Variants in ANKRD10 observed in about 807,000 individuals in gnomAD.
ANKRD10 encodes the protein ankyrin repeat domain 10.
ANKRD10 carries 14 observed loss-of-function variants against 27.0 expected under a neutral mutation model. The ratio of observed to expected loss-of-function variants is 0.52; its 90% CI spans 0.34 to 0.81. ANKRD10 has a LOEUF of 0.81. Among genes scored for constraint, ANKRD10 ranks in the 40% least tolerant of loss-of-function variants. ANKRD10 has a pLI of 0.01. For missense variants in ANKRD10, 493 were observed against 544.0 expected, an observed-to-expected ratio of 0.91 and a Z score of 0.93; for synonymous variants, 250 against 224.5, an observed-to-expected ratio of 1.11 and a Z score of -1.01.
intron 4 of ANKRD10, among the ~76,000 whole-genome samples, chr13:110,886,155 A>T (rs1374455569): frequency 6.6e-6 from 1 of 152,266 alleles, no homozygotes; most frequent in Non-Finnish European, 1.5e-5. Context: ...CAGAGGTGCC[A>T]CTAGGGGCCG....
intron 3 of ANKRD10, among the ~76,000 whole-genome samples, chr13:110,899,653 ACT>A (rs1296372349): frequency 3.9e-5 from 6 of 152,192 alleles, no homozygotes; most frequent in African/African-American, 1.4e-4. Context: ...AACTACGATG[ACT>A]GTGCTTTTAT....
intron 3 of ANKRD10, chr13:110,894,089 AGT>A: frequency 6.6e-7 from 1 of 1,524,750 alleles, no homozygotes; most frequent in East Asian, 2.3e-5. Flanking sequence ...AATAAAATAG[AGT>A]AAGTTGAACT....
At chr13:110,914,064 T>C (rs933226914) in intron 1 of ANKRD10, among the ~76,000 whole-genome samples, 1 of 152,204 alleles carries the variant, frequency 6.6e-6, no homozygotes, top group Non-Finnish European at 1.5e-5. Flanking sequence ...TCACTAATTT[T>C]GCTGAAGCGG....
At chr13:110,888,956 G>A (rs1433338080) in intron 4 of ANKRD10, among the ~76,000 whole-genome samples, 1 of 152,176 alleles carries the variant, frequency 6.6e-6, no homozygotes, top group East Asian at 1.9e-4. Flanking sequence ...TTGTGAAATT[G>A]AAGTTATTGG....
At chr13:110,908,457 G>A (rs1033770456) in intron 2 of ANKRD10, among the ~76,000 whole-genome samples, 4 of 152,196 alleles carry the variant, frequency 2.6e-5, no homozygotes, top group Admixed American at 6.5e-5. Flanking sequence ...AAAAAAGTCT[G>A]TGGTATTAAC....
At chr13:110,896,720 G>A (rs1328675813) in intron 3 of ANKRD10, among the ~76,000 whole-genome samples, 1 of 152,210 alleles carries the variant, frequency 6.6e-6, no homozygotes. Flanking sequence ...GCAGCCTCAA[G>A]GCAATTGAGC....
rs150613908 is a variant in ANKRD10, at chr13:110,902,133, T to G, written c.455+3900A>C. Among the ~76,000 whole-genome samples the G allele has an allele frequency of 6.0e-5, 9 of 150,352 alleles. No homozygotes were observed. In the East Asian group the frequency reaches 1.7e-3, roughly 29 times the overall value. On this transcript the variant is annotated intron_variant, in intron 3 of 5. Coordinates refer to ENST00000267339, the MANE Select transcript of ANKRD10 (RefSeq NM_017664.4). ...TCAGAGGACCTAAAATCAGAAAATA[T>G]GAATTCAGAGTCATAATTCTGGTAG...
At chr13:110,913,610 G>C (rs1157530769) in intron 1 of ANKRD10, among the ~76,000 whole-genome samples, 1 of 152,188 alleles carries the variant, frequency 6.6e-6, no homozygotes, top group Admixed American at 6.5e-5. Flanking sequence ...GCTGCTTTGT[G>C]AATGTAGCAC....
At chr13:110,899,882 T>A (rs1483301410) in intron 3 of ANKRD10, among the ~76,000 whole-genome samples, 2 of 152,134 alleles carry the variant, frequency 1.3e-5, no homozygotes, top group Non-Finnish European at 2.9e-5. Context: ...AATGCTTATA[T>A]GCTATATTTT....
chr13:110,886,676 CCCCA>C (rs2064939591), intron 4 of ANKRD10, among the ~76,000 whole-genome samples: 1 of 152,146 alleles, frequency 6.6e-6, no homozygotes, highest in South Asian at 2.1e-4. Context: ...TGGCATTTTC[CCCCA>C]CACCTGTTGC....
In ANKRD10 at chr13:110,913,324, G is replaced by A. The variant is rs191515531; in HGVS notation, c.210+1401C>T. Among the ~76,000 whole-genome samples the A allele has an allele frequency of 1.4e-3, 211 of 152,286 alleles. 2 individuals carry two copies. Among genetic ancestry groups the A allele is most frequent in the African/African-American group, 4.5e-3 (188 of 41,556 alleles). On this transcript the variant is annotated intron_variant, in intron 1 of 5. Coordinates refer to ENST00000267339, the MANE Select transcript of ANKRD10 (RefSeq NM_017664.4). ...AAATCCTCAGATTACTGACTGCCTC[G>A]GGAAATCTATTTAAGGCTGCACGCA...
intron 3 of ANKRD10, chr13:110,894,131 G>A (rs1276921162): frequency 6.2e-7 from 1 of 1,611,084 alleles, no homozygotes; most frequent in Non-Finnish European, 8.5e-7. Context: ...AATTAAAACT[G>A]AGGGATCAAA....
At position 110,893,096 on chromosome 13, in the gene ANKRD10, A is replaced by C; in HGVS notation, c.623T>G (p.Val208Gly). The C allele has an allele frequency of 1.2e-6, 2 of 1,614,232 alleles. No homozygotes were observed. The highest frequency in any genetic ancestry group is 1.7e-6 in the Non-Finnish European group (2 of 1,180,028). ...CAAGCATCTCTTTCGATTTGTTCCC[A>C]CACTAATATGATTAGGAAATACATT... ...HQNVFPNHISVGTNRKRCLED... is the reference protein window; with the variant it reads ...HQNVFPNHISGGTNRKRCLED... The change falls in exon 4 of 6, where the codon GTG becomes GGG. Residue 208 changes from valine to glycine, a missense_variant. Val to Gly is a moderately radical substitution (Grantham distance 109). Transcript: ENST00000267339.
intron 2 of ANKRD10, among the ~76,000 whole-genome samples, chr13:110,907,858 G>C (rs988152256): frequency 2.0e-5 from 3 of 151,906 alleles, no homozygotes; most frequent in African/African-American, 7.3e-5. Flanking sequence ...ATAAAGTTTT[G>C]CCAAAAAAGA....
intron 1 of ANKRD10, 35 bp from the exon 2 acceptor site, chr13:110,910,805 A>T: frequency 6.3e-7 from 1 of 1,592,230 alleles, no homozygotes; most frequent in Non-Finnish European, 8.6e-7. Flanking sequence ...AAACACGCAG[A>T]CATGTCAGTA....
chr13:110,914,608 A>AT, intron 1 of ANKRD10, 117 bp downstream of exon 1: 1 of 1,410,330 alleles, frequency 7.1e-7, no homozygotes, highest in South Asian at 1.5e-5. Flanking sequence ...GGCGCCGTCG[A>AT]TCCCGCTTCC....
chr13:110,889,911 C>A (rs1275224874), intron 4 of ANKRD10, among the ~76,000 whole-genome samples: 1 of 152,150 alleles, frequency 6.6e-6, no homozygotes, highest in Non-Finnish European at 1.5e-5. Flanking sequence ...AAGATATTAT[C>A]CCTGGCACCT....
intron 5 of ANKRD10, chr13:110,883,170 A>C (rs1175935521): frequency 6.6e-6 from 1 of 152,346 alleles, no homozygotes; most frequent in African/African-American, 2.4e-5. Flanking sequence ...CCTGGGTAAA[A>C]GATTCCATGC....
intron 3 of ANKRD10, chr13:110,895,165 T>C (rs1294162942): frequency 6.6e-6 from 1 of 152,114 alleles, no homozygotes; most frequent in East Asian, 1.9e-4. Context: ...AACAGAGAAA[T>C]GAGAAGCTAC....
Sources: allele counts gnomAD v4.1 joint callset (sites outside exome capture counted in the v4.1 genomes callset), GRCh38; gene constraint gnomAD v4.1.1; transcripts MANE v1.5; gene names NCBI Gene and HGNC (gene_info 2026-07-23, HGNC 2026-07-21).